FUBP3: variants seen among roughly 807,000 people sequenced by gnomAD.
FUBP3 encodes far upstream element-binding protein 3.
In FUBP3, 28 loss-of-function variants were observed where a neutral mutation model predicts 85.6. The observed-to-expected ratio is 0.33, with a 90% CI of 0.24 to 0.45. The LOEUF (loss-of-function observed/expected upper bound fraction) is 0.45, where lower values mean the gene tolerates loss of function less well. FUBP3 is among the 20% of genes least tolerant of loss of function. The pLI, the probability that FUBP3 is intolerant of heterozygous loss-of-function variation, is 1.00. For missense variants in FUBP3, 583 were observed against 755.1 expected, an observed-to-expected ratio of 0.77 and a Z score of 2.67; for synonymous variants, 271 against 271.4, an observed-to-expected ratio of 1.00 and a Z score of 0.01.
rs549206750 is a variant in FUBP3 at position 130,589,877 on chromosome 9, G to C, written c.85-5606G>C. Among the ~76,000 whole-genome samples the C allele has an allele frequency of 2.0e-5, 3 of 149,304 alleles. No individual in the cohort carries two copies. The East Asian group carries it at 5.9e-4, about 29-fold the overall frequency. On this transcript the variant is annotated intron_variant, in intron 1 of 18. Transcript: ENST00000319725. ...AGGCTCACGCCACCACACTCAGCTA[G>C]GTTTTTTTGTTTTTGTTTTTGTAGA... is the stretch of plus-strand genomic sequence containing the variant.
intron 16 of FUBP3, among the ~76,000 whole-genome samples, chr9:130,634,362 G>A (rs1241299466): frequency 1.3e-5 from 2 of 152,230 alleles, no homozygotes; most frequent in African/African-American, 2.4e-5. Context: ...TTTGTCCTTT[G>A]GAAGGCTGAT....
intron 1 of FUBP3, among the ~76,000 whole-genome samples, chr9:130,591,027 G>A (rs1424084512): frequency 7.1e-6 from 1 of 141,484 alleles, no homozygotes; most frequent in Admixed American, 7.3e-5. Context: ...TTTTTTTTTG[G>A]TAAACTGAAA....
At chr9:130,593,567 G>A (rs967746906) in intron 1 of FUBP3, among the ~76,000 whole-genome samples, 2 of 152,250 alleles carry the variant, frequency 1.3e-5, no homozygotes, top group Admixed American at 6.5e-5. Flanking sequence ...GTAAATGTAA[G>A]GGATGATGTC....
chr9:130,584,888 C>T (rs1291791994), intron 1 of FUBP3, among the ~76,000 whole-genome samples: 1 of 150,906 alleles, frequency 6.6e-6, no homozygotes, highest in Non-Finnish European at 1.5e-5. Flanking sequence ...TTCGGTCAGG[C>T]ACTGTGGCTC....
chr9:130,597,000 T>G (rs916168669), intron 2 of FUBP3, among the ~76,000 whole-genome samples: 3 of 152,054 alleles, frequency 2.0e-5, no homozygotes, highest in Non-Finnish European at 4.4e-5. Context: ...AAATAGTAGG[T>G]CTTATTCGTA....
intron 2 of FUBP3, among the ~76,000 whole-genome samples, chr9:130,608,822 C>T (rs12346705): frequency 0.19 from 28,990 of 152,032 alleles, 4,472 homozygotes; most frequent in African/African-American, 0.42. Flanking sequence ...TTAAATGTCA[C>T]GGTCTGCTTT....
At chr9:130,584,119 T>C (rs1830243585) in intron 1 of FUBP3, among the ~76,000 whole-genome samples, 1 of 152,160 alleles carries the variant, frequency 6.6e-6, no homozygotes, top group African/African-American at 2.4e-5. Context: ...ATTTCATAAA[T>C]AGAAATTTAC....
chr9:130,627,293 G>A (rs1453550040), intron 12 of FUBP3, among the ~76,000 whole-genome samples: 1 of 152,258 alleles, frequency 6.6e-6, no homozygotes, highest in African/African-American at 2.4e-5. Context: ...GCCAGCGGGG[G>A]ACTCCCGTTG....
At chr9:130,591,434 C>G (rs1173626297) in intron 1 of FUBP3, among the ~76,000 whole-genome samples, 1 of 152,068 alleles carries the variant, frequency 6.6e-6, no homozygotes, top group Non-Finnish European at 1.5e-5. Flanking sequence ...AATGAGATAG[C>G]ATATTTAAAG....
chr9:130,597,460 A>G (rs538092606), intron 2 of FUBP3, among the ~76,000 whole-genome samples: 2 of 152,322 alleles, frequency 1.3e-5, no homozygotes, highest in Admixed American at 6.5e-5. Context: ...TGCTAAGAAA[A>G]ATGTGCCAGA....
chr9:130,579,778 C>T lies in FUBP3; in HGVS notation c.84+14C>T, dbSNP rs754380188. On this transcript the variant is annotated intron_variant, in intron 1 of 18. Coordinates refer to ENST00000319725, the MANE Select transcript of FUBP3 (RefSeq NM_003934.2). The stretch of plus-strand genomic sequence containing the variant: ...CGGGTCCGGCAGGTACGGGCGCAGC[C>T]GGCTGGCAGGAGCACGAGATCCCGA... 7.9e-7 allele frequency: 1 copy of T among 1,266,626 alleles called. No homozygotes were observed. The highest frequency in any genetic ancestry group is 1.0e-6 in the Non-Finnish European group (1 of 1,003,214). The allele number at this position is 1,266,626 out of a possible 1,614,324, so 78.5% of individuals were successfully genotyped here.
At chr9:130,583,928 G>T (rs1830235725) in intron 1 of FUBP3, among the ~76,000 whole-genome samples, 1 of 151,960 alleles carries the variant, frequency 6.6e-6, no homozygotes, top group South Asian at 2.1e-4. Flanking sequence ...GTAGAGACAG[G>T]GTCTCACTAT....
At chr9:130,597,199 A>T (rs962190610) in intron 2 of FUBP3, among the ~76,000 whole-genome samples, 3 of 152,218 alleles carry the variant, frequency 2.0e-5, no homozygotes, top group African/African-American at 7.2e-5. Context: ...AATGATCTCC[A>T]GCTCCATCCA....
intron 11 of FUBP3, among the ~76,000 whole-genome samples, 183 bp downstream of exon 11, chr9:130,623,894 A>AT (rs1829861078): frequency 6.6e-6 from 1 of 152,062 alleles, no homozygotes; most frequent in African/African-American, 2.4e-5. Context: ...CTGCTCATTA[A>AT]TTATTCTGCC....
chr9:130,624,115 G>C (rs1329924225), intron 11 of FUBP3, among the ~76,000 whole-genome samples: 1 of 152,234 alleles, frequency 6.6e-6, no homozygotes, highest in Non-Finnish European at 1.5e-5. Flanking sequence ...TTGATTTCAT[G>C]CACATCTTTG....
At chr9:130,611,850 A>C in intron 3 of FUBP3, among the ~76,000 whole-genome samples, 1 of 151,992 alleles carries the variant, frequency 6.6e-6, no homozygotes, top group Non-Finnish European at 1.5e-5. Context: ...ATTTAACAGA[A>C]GTACCTTGCA....
intron 11 of FUBP3, 35 bp from the exon 12 acceptor site, chr9:130,626,329 T>A: frequency 1.3e-6 from 2 of 1,592,014 alleles, no homozygotes; most frequent in Non-Finnish European, 1.7e-6. Flanking sequence ...GCTGTGGCAG[T>A]GGCAGAGGTC....
chr9:130,612,576 C>T lies in FUBP3; in HGVS notation c.274+71C>T. 2 of 973,550 alleles carry T rather than the reference C, an allele frequency of 2.1e-6. No homozygotes were observed. The highest frequency in any genetic ancestry group is 3.3e-6 in the Non-Finnish European group (2 of 605,474). The allele number at this position is 973,550 out of a possible 1,614,324, so 60.3% of individuals were successfully genotyped here. A position where few individuals can be genotyped will look rare whatever the true frequency, so the allele number is the denominator to read the frequency against. ...TTTTTCTCTCTTTTTTTCTGAGCTG[C>T]TTTGCCAGGATGTTCTTTTTGTTTT... On this transcript the variant is annotated intron_variant, in intron 4 of 18. Transcript: ENST00000319725. The surrounding 1 kb of genome is among the most constrained non-coding windows in gnomAD (Gnocchi z 4.1).
chr9:130,617,028 A>G (rs549536263), intron 7 of FUBP3, among the ~76,000 whole-genome samples: 1 of 152,340 alleles, frequency 6.6e-6, no homozygotes, highest in Non-Finnish European at 1.5e-5. Flanking sequence ...TGAATGTTCC[A>G]TGAGCATTAG....
Sources: allele counts gnomAD v4.1 joint callset (sites outside exome capture counted in the v4.1 genomes callset), GRCh38; gene constraint gnomAD v4.1.1; non-coding constraint Gnocchi (gnomAD v3.1); transcripts MANE v1.5; gene names NCBI Gene and HGNC (gene_info 2026-07-23, HGNC 2026-07-21).